The following CA10 variants were observed in gnomAD, a reference collection of about 807,000 sequenced individuals.
CA10 encodes the protein carbonic anhydrase 10 (inactive), also known as carbonic anhydrase-related protein 10.
In CA10, 14 loss-of-function variants were observed where a neutral mutation model predicts 44.2. The observed-to-expected ratio is 0.32, with a 90% CI of 0.21 to 0.50. The LOEUF is 0.50. Among genes scored for constraint, CA10 ranks in the 20% least tolerant of loss-of-function variants. CA10 has a pLI of 0.99. For missense variants in CA10, 350 were observed against 409.7 expected (o/e 0.85, Z 1.26); for synonymous variants, 159 against 141.6 (o/e 1.12, Z -0.87).
intron 3 of CA10, among the ~76,000 whole-genome samples, chr17:51,798,423 T>C (rs1042379358): frequency 2.6e-5 from 4 of 152,212 alleles, no homozygotes; most frequent in African/African-American, 9.7e-5. Flanking sequence ...ATCCCTAAAA[T>C]GGCTAAAACT....
chr17:51,969,138 A>C (rs1984186570), intron 2 of CA10, among the ~76,000 whole-genome samples: 1 of 151,992 alleles, frequency 6.6e-6, no homozygotes. Flanking sequence ...CAAAACCTAA[A>C]TAAGCATGCT....
intron 4 of CA10, among the ~76,000 whole-genome samples, chr17:51,675,548 C>CAA (rs34639980): frequency 0.017 from 1,984 of 117,838 alleles, 32 homozygotes; most frequent in East Asian, 0.021. Context: ...GACTCCATCT[C>CAA]AAAAAAAAAA....
chr17:51,917,057 G>A (rs1212868388), intron 3 of CA10, among the ~76,000 whole-genome samples: 2 of 152,096 alleles, frequency 1.3e-5, no homozygotes, highest in Non-Finnish European at 2.9e-5. Flanking sequence ...CCTTTCTTCT[G>A]GGAATTGCCC....
chr17:51,747,819 C>T lies in CA10; in HGVS notation c.280-1G>A. The T allele has an allele frequency of 6.2e-7, 1 of 1,606,052 alleles. No homozygotes were observed. On this transcript the variant is annotated splice_acceptor_variant, in intron 3 of 8. Transcript: ENST00000451037. LOFTEE classifies it high-confidence loss of function. ...CAGTGTTGTACATGGTCCCACTGAC[C>T]TGCAAGGCAATTAGCAACAGGTCAA...
At chr17:51,829,035 G>C (rs754060655) in intron 3 of CA10, among the ~76,000 whole-genome samples, 29 of 152,192 alleles carry the variant, frequency 1.9e-4, no homozygotes, top group Non-Finnish European at 3.8e-4. Flanking sequence ...ACCCCCCAAG[G>C]TCAGTTCCAG....
intron 3 of CA10, among the ~76,000 whole-genome samples, chr17:51,810,542 G>A (rs576263135): frequency 3.8e-4 from 58 of 152,290 alleles, no homozygotes; most frequent in Middle Eastern, 3.4e-3. Flanking sequence ...GTGGTGAAAC[G>A]TGCTATGCAG....
At chr17:52,157,379 G>C (rs1989825779) in intron 1 of CA10, among the ~76,000 whole-genome samples, 1 of 151,970 alleles carries the variant, frequency 6.6e-6, no homozygotes, top group South Asian at 2.1e-4. Flanking sequence ...GAAAGCCAGG[G>C]GATGGGGGTG....
chr17:51,857,085 C>T (rs1027584246), intron 3 of CA10, among the ~76,000 whole-genome samples: 2 of 152,156 alleles, frequency 1.3e-5, no homozygotes, highest in East Asian at 3.9e-4. Context: ...TTACATAAAT[C>T]AAGGATTTAA....
chr17:52,002,476 G>A (rs1390692620), intron 2 of CA10, among the ~76,000 whole-genome samples: 1 of 151,832 alleles, frequency 6.6e-6, no homozygotes, highest in East Asian at 2.0e-4. Flanking sequence ...ATGTAGAGGA[G>A]GCAAGATGGA....
chr17:52,133,013 G>T (rs1012365634), intron 1 of CA10, among the ~76,000 whole-genome samples: 4 of 152,184 alleles, frequency 2.6e-5, no homozygotes, highest in Non-Finnish European at 4.4e-5. Flanking sequence ...TGAGTATGCA[G>T]ATAAGGATTA....
intron 3 of CA10, among the ~76,000 whole-genome samples, chr17:51,850,340 G>T (rs1192603853): frequency 2.0e-5 from 3 of 152,172 alleles, no homozygotes; most frequent in Non-Finnish European, 2.9e-5. Context: ...CTAGTCAAAT[G>T]GTCTTGGAAT....
intron 5 of CA10, among the ~76,000 whole-genome samples, chr17:51,650,054 C>T (rs1913505351): frequency 6.6e-6 from 1 of 152,108 alleles, no homozygotes; most frequent in Non-Finnish European, 1.5e-5. Context: ...ATGGGCCAAA[C>T]ATTGTACCAG....
chr17:51,862,750 G>T (rs1037777572), intron 3 of CA10, among the ~76,000 whole-genome samples: 2 of 151,880 alleles, frequency 1.3e-5, no homozygotes, highest in African/African-American at 4.8e-5. Flanking sequence ...TGTTCACATG[G>T]CCTTTTTTTT....
At chr17:51,665,123 G>C (rs958640301) in intron 4 of CA10, among the ~76,000 whole-genome samples, 3 of 152,050 alleles carry the variant, frequency 2.0e-5, no homozygotes, top group Non-Finnish European at 4.4e-5. Flanking sequence ...AACAGAGGAG[G>C]GTTTTCTCTC....
At chr17:51,926,091 T>A (rs903430384) in intron 3 of CA10, among the ~76,000 whole-genome samples, 1 of 152,022 alleles carries the variant, frequency 6.6e-6, no homozygotes, top group African/African-American at 2.4e-5. Flanking sequence ...AAAGAAAAAA[T>A]GGCTGTCAAA....
intron 3 of CA10, chr17:51,761,243 G>A (rs1302973763): frequency 6.6e-6 from 1 of 152,118 alleles, no homozygotes; most frequent in African/African-American, 2.4e-5. Context: ...TCTATCTGTT[G>A]AGGTTTTTTT....
chr17:52,098,814 A>T (rs148550650), intron 1 of CA10, among the ~76,000 whole-genome samples: 3 of 152,172 alleles, frequency 2.0e-5, no homozygotes, highest in African/African-American at 7.2e-5. Flanking sequence ...CCATTGCTAT[A>T]TTAAAGAAAT....
chr17:52,010,655 A>C (rs1380057641), intron 2 of CA10, among the ~76,000 whole-genome samples: 1 of 151,942 alleles, frequency 6.6e-6, no homozygotes, highest in East Asian at 1.9e-4. Flanking sequence ...AAAAGACTGC[A>C]CATTGGGTAC....
At chr17:51,717,677 G>GCA (rs1316043250) in intron 4 of CA10, among the ~76,000 whole-genome samples, 670 of 41,950 alleles carry the variant, frequency 0.016, 85 homozygotes, top group African/African-American at 0.052. Flanking sequence ...ATGTATATAT[G>GCA]TATATATGTA....
Sources: allele counts gnomAD v4.1 joint callset (sites outside exome capture counted in the v4.1 genomes callset), GRCh38; gene constraint gnomAD v4.1.1; transcripts MANE v1.5; gene names NCBI Gene and HGNC (gene_info 2026-07-23, HGNC 2026-07-21).